ARHGAP26: variants seen among roughly 807,000 people sequenced by gnomAD.
ARHGAP26 encodes the protein Rho GTPase activating protein 26.
A neutral mutation model predicts 104.8 loss-of-function variants in ARHGAP26; 38 were observed. The observed-to-expected ratio is 0.36, with a 90% confidence interval of 0.28 to 0.48. ARHGAP26 has a LOEUF of 0.48. Ranked by LOEUF, ARHGAP26 falls within the 20% of genes least tolerant of loss-of-function variation. The probability of loss-of-function intolerance (pLI) is 0.99; values close to 1 mark genes in which losing one functional copy is unlikely to be tolerated. For missense variants in ARHGAP26, 704 were observed against 947.9 expected, an observed-to-expected ratio of 0.74 and a Z score of 3.38; for synonymous variants, 341 against 340.0, an observed-to-expected ratio of 1.00 and a Z score of -0.03.
intron 20 of ARHGAP26, among the ~76,000 whole-genome samples, chr5:143,152,851 C>G (rs1399815981): frequency 6.6e-6 from 1 of 152,186 alleles, no homozygotes; most frequent in African/African-American, 2.4e-5. Flanking sequence ...ATTGGGACCA[C>G]CAGTCAGTTG....
intron 6 of ARHGAP26, among the ~76,000 whole-genome samples, chr5:142,899,952 G>A (rs1443909227): frequency 6.6e-6 from 1 of 152,198 alleles, no homozygotes; most frequent in African/African-American, 2.4e-5. Flanking sequence ...AGCAAGAGAG[G>A]CTCTGTTTAC....
At chr5:142,891,872 T>C (rs1187057076) in intron 5 of ARHGAP26, among the ~76,000 whole-genome samples, 4 of 152,016 alleles carry the variant, frequency 2.6e-5, no homozygotes, top group South Asian at 2.1e-4. Flanking sequence ...AGTGTAATTA[T>C]CTGCTTTGAA....
At chr5:143,212,859 T>C (rs1318460615) in intron 21 of ARHGAP26, among the ~76,000 whole-genome samples, 2 of 152,168 alleles carry the variant, frequency 1.3e-5, no homozygotes, top group Non-Finnish European at 2.9e-5. Context: ...AAAATACTGA[T>C]GCCTGGCCGG....
chr5:142,955,126 C>CACACACCCA, intron 11 of ARHGAP26, among the ~76,000 whole-genome samples: 1 of 148,740 alleles, frequency 6.7e-6, no homozygotes, highest in Non-Finnish European at 1.5e-5. Flanking sequence ...ACACACACAC[C>CACACACCCA]CCCCATCTCT....
chr5:142,781,892 T>G (rs1174301057), intron 1 of ARHGAP26, among the ~76,000 whole-genome samples: 2 of 152,160 alleles, frequency 1.3e-5, no homozygotes, highest in Non-Finnish European at 2.9e-5. Context: ...TTTGTATTTT[T>G]TTTTAGTAGA....
At chr5:142,798,963 A>G (rs1359793545) in intron 1 of ARHGAP26, among the ~76,000 whole-genome samples, 2 of 152,218 alleles carry the variant, frequency 1.3e-5, no homozygotes, top group Non-Finnish European at 2.9e-5. Flanking sequence ...TTGAAGGCCC[A>G]GTAGCTGCCT....
chr5:143,114,306 C>T (rs1162399728), intron 17 of ARHGAP26, among the ~76,000 whole-genome samples: 1 of 152,164 alleles, frequency 6.6e-6, no homozygotes, highest in Non-Finnish European at 1.5e-5. Flanking sequence ...GACGGGTGTT[C>T]TCGACAGAGG....
rs1755355176 is a variant in ARHGAP26 at position 142,871,864 on chromosome 5, T to G, written c.155-1536T>G. 6.6e-6 allele frequency among the ~76,000 whole-genome samples: 1 copy of G among 152,240 alleles called. No homozygotes were observed. Among genetic ancestry groups the G allele is most frequent in the Non-Finnish European group, 1.5e-5 (1 of 68,048 alleles). The stretch of plus-strand genomic sequence containing the variant: ...ACTGAACGAGGGAGAGATCGGAGAC[T>G]GTTGGCTCCTGTGTTCCCCTTCTCC... On this transcript the variant is annotated intron_variant, in intron 1 of 22. Coordinates refer to ENST00000645722, the MANE Select transcript of ARHGAP26 (RefSeq NM_001135608.3). This position sits in a 1 kb window ranked among gnomAD's most constrained non-coding sequence, Gnocchi z 4.1.
At chr5:143,215,268 GTCCTC>G (rs949288453) in intron 22 of ARHGAP26, among the ~76,000 whole-genome samples, 6 of 152,326 alleles carry the variant, frequency 3.9e-5, no homozygotes, top group Admixed American at 6.5e-5. Context: ...TTAAAGGTCT[GTCCTC>G]TAAGTCCCAA....
chr5:143,083,959 A>G (rs1160334267), intron 17 of ARHGAP26, among the ~76,000 whole-genome samples: 1 of 152,236 alleles, frequency 6.6e-6, no homozygotes, highest in Non-Finnish European at 1.5e-5. Context: ...TTTTAGAGCA[A>G]ACAGTGTTCT....
At chr5:143,149,553 G>T (rs548385910) in intron 20 of ARHGAP26, among the ~76,000 whole-genome samples, 26 of 152,176 alleles carry the variant, frequency 1.7e-4, no homozygotes, top group Non-Finnish European at 3.2e-4. Flanking sequence ...ATCATGCATG[G>T]CTGTTAGGCA....
intron 1 of ARHGAP26, chr5:142,860,544 A>T (rs1056004151): frequency 6.6e-6 from 1 of 152,252 alleles, no homozygotes; most frequent in Non-Finnish European, 1.5e-5. Flanking sequence ...CATCAGCTCC[A>T]GGTGCCATGA....
chr5:143,207,825 G>A (rs866695359), intron 21 of ARHGAP26, among the ~76,000 whole-genome samples: 6 of 152,240 alleles, frequency 3.9e-5, no homozygotes, highest in Non-Finnish European at 7.3e-5. Context: ...ATCAGGCAGC[G>A]TCAGGCAATA....
intron 20 of ARHGAP26, among the ~76,000 whole-genome samples, chr5:143,177,616 T>C (rs1803671765): frequency 6.6e-6 from 1 of 152,236 alleles, no homozygotes; most frequent in Admixed American, 6.5e-5. Flanking sequence ...CTGGCACTGC[T>C]GTCAGGAATA....
At chr5:142,810,927 G>T (rs535807555) in intron 1 of ARHGAP26, among the ~76,000 whole-genome samples, 1 of 152,312 alleles carries the variant, frequency 6.6e-6, no homozygotes, top group South Asian at 2.1e-4. Flanking sequence ...AAGTTCTGTT[G>T]TAGATTGTAC....
intron 20 of ARHGAP26, among the ~76,000 whole-genome samples, chr5:143,157,367 A>G (rs1659182): frequency 0.48 from 72,853 of 151,656 alleles, 18,788 homozygotes; most frequent in East Asian, 0.68. Context: ...TGGCAGAGAC[A>G]GCGTTTCACC....
At chr5:142,833,923 C>T (rs1459939294) in intron 1 of ARHGAP26, among the ~76,000 whole-genome samples, 7 of 152,116 alleles carry the variant, frequency 4.6e-5, no homozygotes, top group Non-Finnish European at 1.0e-4. Context: ...TCTGGGATTT[C>T]GGGGCCATCT....
chr5:142,781,086 C>G (rs1406684817), intron 1 of ARHGAP26, among the ~76,000 whole-genome samples: 4 of 152,162 alleles, frequency 2.6e-5, no homozygotes, highest in Admixed American at 6.5e-5. Context: ...GGCAGGGAAA[C>G]AGGCAGCCCA....
At chr5:143,108,863 C>T (rs13185496) in intron 17 of ARHGAP26, among the ~76,000 whole-genome samples, 116,505 of 152,132 alleles carry the variant, frequency 0.77, 47,939 homozygotes, top group Non-Finnish European at 0.92. Flanking sequence ...ATGAGATTTA[C>T]ATCTCTTGGG....
Sources: allele counts gnomAD v4.1 joint callset (sites outside exome capture counted in the v4.1 genomes callset), GRCh38; gene constraint gnomAD v4.1.1; non-coding constraint Gnocchi (gnomAD v3.1); transcripts MANE v1.5; gene names NCBI Gene and HGNC (gene_info 2026-07-23, HGNC 2026-07-21).